The following TRPC4 variants were observed in gnomAD, a reference collection of about 807,000 sequenced individuals.
The protein encoded by TRPC4 is short transient receptor potential channel 4.
In TRPC4, 49 loss-of-function variants were observed where a neutral mutation model predicts 99.4. The observed-to-expected ratio is 0.49, with a 90% CI of 0.39 to 0.63. The LOEUF (loss-of-function observed/expected upper bound fraction) is 0.63, where lower values mean the gene tolerates loss of function less well. TRPC4 is among the 20% of genes least tolerant of loss of function. The probability of loss-of-function intolerance (pLI) is 0.00; values close to 1 mark genes in which losing one functional copy is unlikely to be tolerated. For synonymous variants in TRPC4, 454 were observed against 425.9 expected (o/e 1.07, Z -0.81); for missense variants, 898 against 1,152.9 (o/e 0.78, Z 3.20).
At chr13:37,826,839 G>A (rs1177478200) in intron 1 of TRPC4, among the ~76,000 whole-genome samples, 1 of 152,128 alleles carries the variant, frequency 6.6e-6, no homozygotes, top group African/African-American at 2.4e-5. Context: ...GATTGGGGAA[G>A]TTCTCCTGGA....
At chr13:37,828,019 G>A (rs1488912837) in intron 1 of TRPC4, among the ~76,000 whole-genome samples, 2 of 152,184 alleles carry the variant, frequency 1.3e-5, no homozygotes, top group African/African-American at 2.4e-5. Context: ...TACTCGGGTG[G>A]GAGTGACCCG....
rs374460466 is a variant in TRPC4, at chr13:37,746,443, G to A, written c.391C>T (p.Leu131Phe). The part of the protein sequence containing the change: ...PSGEKQVPPI[L>F]LDKQFSEFTP... ...AATTCAGAGAACTGCTTATCAAGGA[G>A]TATAGGAGGCACCTAAAAAAAAAAA... The change falls in exon 3 of 11, where the codon CTC (leucine) becomes TTC (phenylalanine). Residue 131 changes from leucine to phenylalanine, a missense_variant. Around this residue, in one of 3 missense-constraint regions of TRPC4, gnomAD observed 278 missense variants for 346.6 expected, o/e 0.80. Transcript: ENST00000379705. 3 of 1,536,914 alleles carry A rather than the reference G, an allele frequency of 2.0e-6. No homozygotes were observed. The highest frequency in any genetic ancestry group is 2.6e-6 in the Non-Finnish European group (3 of 1,153,724).
At chr13:37,698,354 G>T (rs1036801789) in intron 3 of TRPC4, among the ~76,000 whole-genome samples, 4 of 150,516 alleles carry the variant, frequency 2.7e-5, no homozygotes, top group Non-Finnish European at 4.4e-5. Flanking sequence ...GTAGAGTCAG[G>T]GTTTCACTGT....
chr13:37,640,481 A>G (rs1951685521), intron 8 of TRPC4, among the ~76,000 whole-genome samples: 1 of 152,192 alleles, frequency 6.6e-6, no homozygotes, highest in Non-Finnish European at 1.5e-5. Context: ...AGATGAGACA[A>G]TGCTTAGGTT....
intron 5 of TRPC4, among the ~76,000 whole-genome samples, chr13:37,667,612 T>C (rs143211613): frequency 0.011 from 1,681 of 152,244 alleles, 24 homozygotes; most frequent in African/African-American, 0.038. Context: ...CCAGCCCTCC[T>C]CCAGAATCTT....
intron 1 of TRPC4, among the ~76,000 whole-genome samples, chr13:37,845,483 A>C (rs886510510): frequency 2.6e-5 from 4 of 152,070 alleles, no homozygotes; most frequent in Non-Finnish European, 4.4e-5. Context: ...TGAAGCCATA[A>C]ATTCTGGAGC....
intron 5 of TRPC4, among the ~76,000 whole-genome samples, chr13:37,673,877 T>G (rs968799049): frequency 6.6e-6 from 1 of 152,152 alleles, no homozygotes; most frequent in African/African-American, 2.4e-5. Context: ...CTGAAGAAAA[T>G]AGATTTGGGT....
chr13:37,668,134 CA>C (rs1341216380), intron 5 of TRPC4, among the ~76,000 whole-genome samples: 1 of 152,038 alleles, frequency 6.6e-6, no homozygotes, highest in African/African-American at 2.4e-5. Flanking sequence ...AGGAAGAAAT[CA>C]AGAACTACTT....
chr13:37,797,095 G>C (rs1957277576), intron 1 of TRPC4, among the ~76,000 whole-genome samples: 1 of 151,600 alleles, frequency 6.6e-6, no homozygotes, highest in East Asian at 1.9e-4. Context: ...CAGGAGGATT[G>C]CTTTAGCCCA....
intron 4 of TRPC4, among the ~76,000 whole-genome samples, chr13:37,687,724 A>G (rs1448632929): frequency 1.3e-5 from 2 of 152,222 alleles, no homozygotes; most frequent in African/African-American, 4.8e-5. Context: ...GGAGAACGTA[A>G]AAGTACCCAA....
intron 3 of TRPC4, among the ~76,000 whole-genome samples, chr13:37,742,557 A>G (rs1955624870): frequency 6.6e-6 from 1 of 152,124 alleles, no homozygotes; most frequent in Non-Finnish European, 1.5e-5. Flanking sequence ...TTTATCCAAG[A>G]GAGTCTATGG....
chr13:37,732,617 G>A (rs534281791), intron 3 of TRPC4, among the ~76,000 whole-genome samples: 29 of 152,248 alleles, frequency 1.9e-4, no homozygotes, highest in Non-Finnish European at 5.9e-5. Flanking sequence ...ATTCAACAAA[G>A]TTTCAGTATA....
Position 37,651,888 on chromosome 13 carries a change from C to T in TRPC4, c.1885-429G>A, listed in dbSNP as rs371427564. On this transcript the variant is annotated intron_variant, in intron 7 of 10. Transcript: ENST00000379705. ...ACCTCCACAGATGCTCATGGCTTAG[C>T]CTTCAATGTTGCCAGGAAAAGTCTT... is the stretch of plus-strand genomic sequence containing the variant. 2.6e-4 allele frequency among the ~76,000 whole-genome samples: 40 copies of T among 152,286 alleles called. 1 individual carries two copies. The South Asian group carries it at 5.6e-3, about 21-fold the overall frequency.
intron 8 of TRPC4, among the ~76,000 whole-genome samples, chr13:37,644,501 T>A (rs1405941460): frequency 6.6e-6 from 1 of 152,166 alleles, no homozygotes; most frequent in Non-Finnish European, 1.5e-5. Context: ...GGTAGAATTA[T>A]AGCATGGTAG....
intron 1 of TRPC4, among the ~76,000 whole-genome samples, chr13:37,834,860 A>G (rs1173634686): frequency 6.6e-6 from 1 of 151,952 alleles, no homozygotes; most frequent in Non-Finnish European, 1.5e-5. Context: ...TCAGCCTCCC[A>G]AGTAACTGGG....
intron 1 of TRPC4, among the ~76,000 whole-genome samples, chr13:37,804,846 A>T (rs1033817497): frequency 9.9e-5 from 15 of 152,044 alleles, no homozygotes; most frequent in Non-Finnish European, 1.2e-4. Context: ...ATGTCCAAGT[A>T]ATCCCACACT....
Position 37,651,458 on chromosome 13 carries a change from T to G in TRPC4, c.1886A>C (p.Asp629Ala). 1 of 1,613,676 alleles carries G rather than the reference T, an allele frequency of 6.2e-7. No individual in the cohort carries two copies. Among genetic ancestry groups the G allele is most frequent in the Non-Finnish European group, 8.5e-7 (1 of 1,179,666 alleles). ...MMNNSYQLIA[D>A]HADIEWKFAR... Reference sequence around the variant, plus strand: ...AAATTTCCATTCTATATCTGCATGGTCCTGAACAGGAGAACATGACAACTG... The same window carrying G: ...AAATTTCCATTCTATATCTGCATGGGCCTGAACAGGAGAACATGACAACTG... The change falls in exon 8 of 11, where the codon GAC becomes GCC. Residue 629 changes from aspartate to alanine, a missense_variant and splice_region_variant. Asp to Ala is a moderately radical substitution (Grantham distance 126). Around this residue, in one of 3 missense-constraint regions of TRPC4, gnomAD observed 274 missense variants for 454.9 expected, o/e 0.60. Transcript: ENST00000379705.
intron 2 of TRPC4, among the ~76,000 whole-genome samples, chr13:37,755,087 A>G (rs1350820857): frequency 2.0e-5 from 3 of 152,114 alleles, no homozygotes; most frequent in Non-Finnish European, 4.4e-5. Flanking sequence ...TACTGAAGTC[A>G]AATTTTTTGG....
At chr13:37,784,722 A>G (rs9532115) in intron 1 of TRPC4, among the ~76,000 whole-genome samples, 79,089 of 151,798 alleles carry the variant, frequency 0.52, 21,148 homozygotes, top group East Asian at 0.78. Flanking sequence ...GATTAAACAT[A>G]AATTACATTA....
Sources: gnomAD v4.1 joint callset for allele counts (sites outside exome capture counted in the v4.1 genomes callset) on GRCh38, gnomAD v4.1.1 for gene constraint, gnomAD v4.1.1 regional missense constraint, MANE v1.5 for transcripts, NCBI Gene and HGNC (gene_info 2026-07-23, HGNC 2026-07-21) for gene names.